Variants in HIPK2 observed in about 807,000 individuals in gnomAD.
The protein encoded by HIPK2 is homeodomain-interacting protein kinase 2.
Under a neutral mutation model 113.7 loss-of-function variants are expected in HIPK2, and 27 were observed. The observed-to-expected ratio is 0.24, with a 90% CI of 0.17 to 0.33. The LOEUF (loss-of-function observed/expected upper bound fraction) is 0.33, where lower values mean the gene tolerates loss of function less well. HIPK2 is among the 10% of genes least tolerant of loss of function. The pLI, the probability that HIPK2 is intolerant of heterozygous loss-of-function variation, is 1.00. For synonymous variants in HIPK2, 631 were observed against 642.2 expected (o/e 0.98, Z 0.26); for missense variants, 1,257 against 1,588.0 (o/e 0.79, Z 3.54).
chr7:139,670,581 GA>G (rs900995210), intron 2 of HIPK2, among the ~76,000 whole-genome samples: 61 of 128,888 alleles, frequency 4.7e-4, no homozygotes, highest in Admixed American at 2.3e-3. Flanking sequence ...ACCCTGTCTT[GA>G]AAAAAAAAAA....
chr7:139,631,014 G>T lies in HIPK2; in HGVS notation c.1347+151C>A. The T allele has an allele frequency of 9.6e-7, 1 of 1,042,762 alleles. No homozygotes were observed. The highest frequency in any genetic ancestry group is 1.3e-6 in the Non-Finnish European group (1 of 743,018). The allele number at this position is 1,042,762 out of a possible 1,614,324, so 64.6% of individuals were successfully genotyped here. A position where few individuals can be genotyped will look rare whatever the true frequency, so the allele number is the denominator to read the frequency against. On this transcript the variant is annotated intron_variant, in intron 4 of 14. Transcript: ENST00000406875. The surrounding 1 kb of genome is among the most constrained non-coding windows in gnomAD (Gnocchi z 4.9). Reference sequence around the variant, plus strand: ...GGCCAAGGGAAAGAGGGGCTTCTGAGCATTCAGATTCAGCCATACCATGTA... The same window carrying T: ...GGCCAAGGGAAAGAGGGGCTTCTGATCATTCAGATTCAGCCATACCATGTA...
Position 139,569,727 on chromosome 7 carries a change from TC to T in HIPK2, c.*3199del, listed in dbSNP as rs1798202874. The stretch of plus-strand genomic sequence containing the variant: ...AGATGACAGAAACAATTTTCCTACT[TC>T]CTAAGTCTTTCCTTTTTTTTTTTGC... On this transcript the variant is annotated 3_prime_UTR_variant, in exon 15 of 15. Transcript: ENST00000406875. The T allele has an allele frequency of 6.7e-6, 1 of 148,918 alleles. No homozygotes were observed. The highest frequency in any genetic ancestry group is 1.5e-5 in the Non-Finnish European group (1 of 67,816). 9.2% of individuals were successfully genotyped at this position (148,918 alleles called of 1,614,324 possible). A position where few individuals can be genotyped will look rare whatever the true frequency, so the allele number is the denominator to read the frequency against.
chr7:139,745,165 A>G (rs1375729207), intron 1 of HIPK2, among the ~76,000 whole-genome samples: 2 of 152,204 alleles, frequency 1.3e-5, no homozygotes, highest in Non-Finnish European at 2.9e-5. Flanking sequence ...ACCTTCAAAC[A>G]TGCCAGCCTC....
intron 1 of HIPK2, among the ~76,000 whole-genome samples, chr7:139,740,071 G>A (rs572365718): frequency 1.3e-5 from 2 of 152,186 alleles, no homozygotes; most frequent in African/African-American, 4.8e-5. Flanking sequence ...GTCAGGTGGC[G>A]ACTCTATGTT....
intron 2 of HIPK2, among the ~76,000 whole-genome samples, chr7:139,638,546 T>C (rs1451860917): frequency 6.6e-6 from 1 of 152,100 alleles, no homozygotes; most frequent in Non-Finnish European, 1.5e-5. Flanking sequence ...AACATATATA[T>C]GAAGTGTCAG....
chr7:139,758,291 A>T (rs1196307829), intron 1 of HIPK2, among the ~76,000 whole-genome samples: 8 of 152,250 alleles, frequency 5.3e-5, no homozygotes, highest in Non-Finnish European at 2.9e-5. Flanking sequence ...ACCCATGGAA[A>T]AACATAGAGT....
intron 2 of HIPK2, among the ~76,000 whole-genome samples, chr7:139,710,474 C>A (rs988771283): frequency 6.6e-6 from 1 of 152,192 alleles, no homozygotes; most frequent in East Asian, 1.9e-4. Flanking sequence ...GGTAGGTTCA[C>A]AATAAATCTC....
intron 9 of HIPK2, among the ~76,000 whole-genome samples, chr7:139,604,872 G>T (rs897127819): frequency 2.6e-5 from 4 of 152,166 alleles, no homozygotes; most frequent in African/African-American, 9.7e-5. Context: ...CCACAACTAT[G>T]TACAGGGGAT....
At chr7:139,740,941 GTT>G (rs1796082685) in intron 1 of HIPK2, among the ~76,000 whole-genome samples, 1 of 152,188 alleles carries the variant, frequency 6.6e-6, no homozygotes, top group Non-Finnish European at 1.5e-5. Flanking sequence ...GAGGTCAGGA[GTT>G]CAAGACCAGC....
At chr7:139,659,108 C>A (rs1801776203) in intron 2 of HIPK2, among the ~76,000 whole-genome samples, 1 of 152,164 alleles carries the variant, frequency 6.6e-6, no homozygotes, top group South Asian at 2.1e-4. Context: ...AGGGCCCTGT[C>A]TCTGCTGCAA....
At chr7:139,632,397 G>T (rs142232127) in intron 2 of HIPK2, among the ~76,000 whole-genome samples, 2,707 of 152,280 alleles carry the variant, frequency 0.018, 36 homozygotes, top group Non-Finnish European at 0.027. Context: ...ATCTGTTTAT[G>T]CCAATTATCC....
At chr7:139,668,424 T>C (rs1802135117) in intron 2 of HIPK2, among the ~76,000 whole-genome samples, 1 of 151,822 alleles carries the variant, frequency 6.6e-6, no homozygotes, top group Non-Finnish European at 1.5e-5. Context: ...TAGCTGGGCA[T>C]GGTGGTGTGT....
At chr7:139,718,325 C>T (rs1036894899) in intron 1 of HIPK2, among the ~76,000 whole-genome samples, 6 of 152,282 alleles carry the variant, frequency 3.9e-5, no homozygotes, top group African/African-American at 1.4e-4. Flanking sequence ...GTTGGCTAAC[C>T]TAGTGTTCCT....
At chr7:139,603,831 T>G (rs1215116615) in intron 10 of HIPK2, among the ~76,000 whole-genome samples, 1 of 152,222 alleles carries the variant, frequency 6.6e-6, no homozygotes, top group East Asian at 1.9e-4. Flanking sequence ...ATGACATAAC[T>G]GAATTCTGGG....
intron 12 of HIPK2, among the ~76,000 whole-genome samples, chr7:139,588,930 C>G (rs765178706): frequency 6.6e-6 from 1 of 152,208 alleles, no homozygotes; most frequent in African/African-American, 2.4e-5. Flanking sequence ...ATGGCGCTGC[C>G]CTGCCCTTCA....
chr7:139,708,217 A>G (rs1794962852), intron 2 of HIPK2, among the ~76,000 whole-genome samples: 1 of 152,108 alleles, frequency 6.6e-6, no homozygotes. Context: ...TAATAAAATA[A>G]ATAAAGAGGG....
chr7:139,623,824 C>T (rs969084697), intron 6 of HIPK2, among the ~76,000 whole-genome samples: 24 of 152,166 alleles, frequency 1.6e-4, no homozygotes, highest in East Asian at 1.3e-3. Flanking sequence ...CGCCATGATA[C>T]GCACAATTCT....
chr7:139,647,256 G>C (rs952783905), intron 2 of HIPK2, among the ~76,000 whole-genome samples: 2 of 152,058 alleles, frequency 1.3e-5, no homozygotes, highest in African/African-American at 2.4e-5. Flanking sequence ...ACTGGGGTGA[G>C]AGGGTCGGTG....
At chr7:139,620,867 G>C (rs2116837511) in intron 6 of HIPK2, among the ~76,000 whole-genome samples, 1 of 152,302 alleles carries the variant, frequency 6.6e-6, no homozygotes, top group Middle Eastern at 3.4e-3. Flanking sequence ...TCCACCTGCA[G>C]CATCACTGCT....
Sources: allele counts gnomAD v4.1 joint callset (sites outside exome capture counted in the v4.1 genomes callset), GRCh38; gene constraint gnomAD v4.1.1; non-coding constraint Gnocchi (gnomAD v3.1); transcripts MANE v1.5; gene names NCBI Gene and HGNC (gene_info 2026-07-23, HGNC 2026-07-21).